FBN1: variants seen among roughly 807,000 people sequenced by gnomAD.
The protein encoded by FBN1 is fibrillin 1.
FBN1 carries 29 observed loss-of-function variants against 365.1 expected under a neutral mutation model. The observed-to-expected ratio is 0.08, with a 90% CI of 0.06 to 0.11. The LOEUF is 0.11. FBN1 is among the 10% of genes least tolerant of loss of function. The pLI, the probability that FBN1 is intolerant of heterozygous loss-of-function variation, is 1.00. For synonymous variants in FBN1, 1,210 were observed against 1,270.5 expected, an observed-to-expected ratio of 0.95 and a Z score of 1.01; for missense variants, 2,476 against 3,703.2, an observed-to-expected ratio of 0.67 and a Z score of 8.60.
At chr15:48,585,433 A>G (rs564395806) in intron 6 of FBN1, among the ~76,000 whole-genome samples, 2 of 152,316 alleles carry the variant, frequency 1.3e-5, no homozygotes, top group African/African-American at 2.4e-5. Flanking sequence ...ACTTCCTACA[A>G]TATTTCAGTT....
At position 48,470,673 on chromosome 15, in the gene FBN1, T is replaced by G. The variant is rs752538366; in HGVS notation, c.4420A>C (p.Ile1474Leu). The G allele has an allele frequency of 6.2e-7, 1 of 1,614,028 alleles. No homozygotes were observed. The highest frequency in any genetic ancestry group is 8.5e-7 in the Non-Finnish European group (1 of 1,180,000). Reference protein sequence around the residue: ...LPGLFRCECEIGYELDRSGGN... With the variant: ...LPGLFRCECELGYELDRSGGN... The stretch of plus-strand genomic sequence containing the variant: ...CCGCTTCTGTCCAGTTCGTAGCCTA[T>G]CTCACACTCACAGCGGAACAGGCCA... The change falls in exon 36 of 66, where the codon ATA becomes CTA. Residue 1474 changes from isoleucine (I) to leucine (L), a missense_variant. Ile to Leu is a conservative substitution (Grantham distance 5). This residue lies in a region of FBN1 where 1,780 missense variants were observed against 2,840.8 expected (regional missense o/e 0.63). Coordinates refer to ENST00000316623, the MANE Select transcript of FBN1 (RefSeq NM_000138.5).
chr15:48,620,178 G>A (rs1413661737), intron 2 of FBN1, among the ~76,000 whole-genome samples: 2 of 152,186 alleles, frequency 1.3e-5, no homozygotes, highest in East Asian at 1.9e-4. Context: ...GGAAGGGAGA[G>A]TGAGACTATC....
chr15:48,593,450 A>C (rs1428910450), intron 6 of FBN1, among the ~76,000 whole-genome samples: 3 of 152,218 alleles, frequency 2.0e-5, no homozygotes, highest in Non-Finnish European at 4.4e-5. Flanking sequence ...CTGTTAACTG[A>C]AAAATGACAG....
chr15:48,420,833 T>G, intron 62 of FBN1, 27 bp from the exon 63 acceptor site: 3 of 1,612,570 alleles, frequency 1.9e-6, no homozygotes, highest in Non-Finnish European at 2.5e-6. Context: ...GCCACCATGA[T>G]GCCAACTCAA....
chr15:48,629,925 A>G (rs1365781301), intron 2 of FBN1, among the ~76,000 whole-genome samples: 1 of 152,212 alleles, frequency 6.6e-6, no homozygotes, highest in Non-Finnish European at 1.5e-5. Context: ...AACATTCCTG[A>G]GAGGGAGGGG....
chr15:48,521,975 T>C (rs1273016178), intron 9 of FBN1, among the ~76,000 whole-genome samples: 1 of 152,196 alleles, frequency 6.6e-6, no homozygotes, highest in Non-Finnish European at 1.5e-5. Context: ...TCTGTATTTA[T>C]AGCCACTCCC....
chr15:48,644,685 A>C lies in FBN1; in HGVS notation c.85T>G (p.Leu29Val). The C allele has an allele frequency of 6.2e-7, 1 of 1,614,136 alleles. No homozygotes were observed. Among genetic ancestry groups the C allele is most frequent in the South Asian group, 1.1e-5 (1 of 91,084 alleles). Residue 29 changes from leucine (L) to valine (V), a missense_variant, in exon 2 of 66, where the codon TTG becomes GTG. Transcript: ENST00000316623. Reference sequence around the variant, plus strand: ...GTTTCCTTCACGTTCCCAGCCTCCAAATTGGCGTCCGCCCCATGGCTCGTG... The same window carrying C: ...GTTTCCTTCACGTTCCCAGCCTCCACATTGGCGTCCGCCCCATGGCTCGTG... ...SYTSHGADAN[L>V]EAGNVKETRA...
In FBN1 at chr15:48,465,878, A is replaced by T; in HGVS notation, c.4748-20T>A. On this transcript the variant is annotated intron_variant, in intron 38 of 65. Transcript: ENST00000316623. ...ACTCGGCTATTGAAACAAAAATTCA[A>T]ATTGAGTTGTTTTGAATCTAAAGTT... 4 of 1,578,170 alleles carry T rather than the reference A, an allele frequency of 2.5e-6. No homozygotes were observed. Among genetic ancestry groups the T allele is most frequent in the Non-Finnish European group, 3.5e-6 (4 of 1,147,764 alleles).
chr15:48,434,760 T>C (rs376110005), intron 53 of FBN1, 47 bp from the exon 54 acceptor site: 986 of 1,602,796 alleles, frequency 6.2e-4, no homozygotes, highest in Non-Finnish European at 7.9e-4. Flanking sequence ...ATTGAGATAA[T>C]ACCTTTTATT....
chr15:48,475,824 T>C (rs1441102240), intron 32 of FBN1, among the ~76,000 whole-genome samples: 1 of 152,250 alleles, frequency 6.6e-6, no homozygotes, highest in Non-Finnish European at 1.5e-5. Flanking sequence ...GATCTTTGGC[T>C]TCTTCATAAC....
intron 2 of FBN1, among the ~76,000 whole-genome samples, chr15:48,624,501 T>C (rs1204138995): frequency 2.0e-5 from 3 of 152,248 alleles, no homozygotes; most frequent in Non-Finnish European, 4.4e-5. Flanking sequence ...AATTTCTTCA[T>C]GAAGTTTCAA....
chr15:48,498,218 C>G (rs2043623762), intron 18 of FBN1, among the ~76,000 whole-genome samples: 1 of 152,134 alleles, frequency 6.6e-6, no homozygotes, highest in African/African-American at 2.4e-5. Context: ...CTTACTTATT[C>G]CCCATTAACT....
At chr15:48,503,972 T>C (rs1238303092) in intron 16 of FBN1, 33 bp from the exon 17 acceptor site, 2 of 1,613,388 alleles carry the variant, frequency 1.2e-6, no homozygotes, top group South Asian at 2.2e-5. Context: ...CATCACACTG[T>C]CACTTCAAAC....
intron 50 of FBN1, among the ~76,000 whole-genome samples, chr15:48,440,275 G>T (rs759038649): frequency 3.3e-5 from 5 of 152,158 alleles, no homozygotes; most frequent in Non-Finnish European, 7.3e-5. Context: ...CTGCCTCCTG[G>T]AGCTGAGCAT....
At chr15:48,624,776 C>T (rs949122891) in intron 2 of FBN1, among the ~76,000 whole-genome samples, 1 of 152,148 alleles carries the variant, frequency 6.6e-6, no homozygotes, top group African/African-American at 2.4e-5. Flanking sequence ...AAAGGGTGAA[C>T]GAAATCATAG....
At chr15:48,645,339 A>G (rs1448879238) in intron 1 of FBN1, among the ~76,000 whole-genome samples, 2 of 151,494 alleles carry the variant, frequency 1.3e-5, no homozygotes, top group South Asian at 2.1e-4. Context: ...GTCCCCGCCG[A>G]CTCCGGGCGA....
intron 60 of FBN1, among the ~76,000 whole-genome samples, chr15:48,424,606 A>T (rs2042965148): frequency 6.6e-6 from 1 of 152,190 alleles, no homozygotes; most frequent in Non-Finnish European, 1.5e-5. Flanking sequence ...GTTTCTATAA[A>T]TTTCCTTCAA....
chr15:48,508,500 T>A, intron 15 of FBN1, 82 bp downstream of exon 15: 6 of 1,585,806 alleles, frequency 3.8e-6, no homozygotes, highest in Non-Finnish European at 5.2e-6. Context: ...GGAGAATCAG[T>A]AAAGAAAGGT....
At chr15:48,578,221 GA>G (rs1460793840) in intron 6 of FBN1, among the ~76,000 whole-genome samples, 2 of 152,120 alleles carry the variant, frequency 1.3e-5, no homozygotes, top group African/African-American at 2.4e-5. Flanking sequence ...GGAGAAAGTG[GA>G]AAGAAAAATC....
Sources: allele counts gnomAD v4.1 joint callset (sites outside exome capture counted in the v4.1 genomes callset), GRCh38; gene constraint gnomAD v4.1.1; regional missense constraint gnomAD v4.1.1; transcripts MANE v1.5; gene names NCBI Gene and HGNC (gene_info 2026-07-23, HGNC 2026-07-21).